The following EIF4ENIF1 variants were observed in gnomAD, a reference collection of about 807,000 sequenced individuals.
EIF4ENIF1 encodes the protein eukaryotic translation initiation factor 4E transporter.
Under a neutral mutation model 110.5 loss-of-function variants are expected in EIF4ENIF1, and 23 were observed. That is an observed-to-expected ratio of 0.21 (90% CI 0.15 to 0.29). The LOEUF is 0.29. Among genes scored for constraint, EIF4ENIF1 ranks in the 10% least tolerant of loss-of-function variants. EIF4ENIF1 has a pLI of 1.00. For missense variants in EIF4ENIF1, 1,031 were observed against 1,221.1 expected (o/e 0.84, Z 2.32); for synonymous variants, 440 against 437.0 (o/e 1.01, Z -0.09).
chr22:31,442,172 G>A, intron 16 of EIF4ENIF1, 54 bp from the exon 17 acceptor site: 1 of 1,330,936 alleles, frequency 7.5e-7, no homozygotes, highest in Non-Finnish European at 1.1e-6. Context: ...AACACTTGTG[G>A]CCTCCCACTG....
chr22:31,477,390 A>AAAAAAAAAAAAAAAAAAAAAAG (rs1381135932), intron 2 of EIF4ENIF1, among the ~76,000 whole-genome samples: 3 of 133,654 alleles, frequency 2.2e-5, no homozygotes, highest in African/African-American at 2.8e-5. Flanking sequence ...AAAACAAAAA[A>AAAAAAAAAAAAAAAAAAAAAAG]AGAGAATTTG....
chr22:31,469,837 C>T (rs528947259), intron 3 of EIF4ENIF1, among the ~76,000 whole-genome samples: 1 of 152,196 alleles, frequency 6.6e-6, no homozygotes, highest in South Asian at 2.1e-4. Flanking sequence ...TGACTACAGG[C>T]AGGTGCCACC....
upstream of EIF4ENIF1, among the ~76,000 whole-genome samples, chr22:31,492,897 A>G (rs969394272): frequency 6.6e-6 from 1 of 151,598 alleles, no homozygotes; most frequent in African/African-American, 2.4e-5. Context: ...ACGCCCAGCT[A>G]ATTTTTGTAT....
chr22:31,443,689 C>A (rs1294723207), intron 15 of EIF4ENIF1, among the ~76,000 whole-genome samples: 1 of 151,844 alleles, frequency 6.6e-6, no homozygotes, highest in African/African-American at 2.4e-5. Context: ...CTGCTGCCTT[C>A]AAGGTCACCG....
At position 31,444,672 on chromosome 22, in the gene EIF4ENIF1, C is replaced by T; in HGVS notation, c.2007G>A (p.Lys669=). 1 of 1,614,136 alleles carries T rather than the reference C, an allele frequency of 6.2e-7. No homozygotes were observed. Among genetic ancestry groups the T allele is most frequent in the Non-Finnish European group, 8.5e-7 (1 of 1,179,996 alleles). ...GFRNRQQRVT[K]SPAPVHRGNS... is the part of the protein sequence containing the mutation. ...TCCCTCGATGCACGGGTGCTGGTGA[C>T]TTGGTCACTCGCTGTTGCCTGTGAA... The change falls in exon 15 of 19, where the codon AAG becomes AAA. Residue 669 remains lysine (K), a synonymous_variant. Coordinates refer to ENST00000330125, the MANE Select transcript of EIF4ENIF1 (RefSeq NM_019843.4).
At position 31,454,256 on chromosome 22, in the gene EIF4ENIF1, C is replaced by G; in HGVS notation, c.1400G>C (p.Ser467Thr). The G allele has an allele frequency of 6.2e-7, 1 of 1,614,096 alleles. No homozygotes were observed. The highest frequency in any genetic ancestry group is 8.5e-7 in the Non-Finnish European group (1 of 1,180,002). Residue 467 changes from serine to threonine, a missense_variant, in exon 10 of 19, where the codon AGT becomes ACT. Transcript: ENST00000330125. ...FMAEHLEETLSAVTNNRQLKK... is the reference protein window; with the variant it reads ...FMAEHLEETLTAVTNNRQLKK... ...CAGTTGTCGATTGTTGGTTACGGCA[C>G]TCAAGGTCTCTTCTAGGTGTTCTGC...
intron 10 of EIF4ENIF1, among the ~76,000 whole-genome samples, chr22:31,452,608 G>T (rs1362600919): frequency 1.3e-5 from 2 of 152,108 alleles, no homozygotes; most frequent in Admixed American, 1.3e-4. Context: ...CACACCAAAA[G>T]AAAGAAGCTA....
At chr22:31,452,256 A>G (rs2050696395) in intron 10 of EIF4ENIF1, among the ~76,000 whole-genome samples, 1 of 152,206 alleles carries the variant, frequency 6.6e-6, no homozygotes, top group South Asian at 2.1e-4. Flanking sequence ...CAAAAAGTAA[A>G]CCATGACTTA....
At chr22:31,476,055 T>C (rs1360192737) in intron 2 of EIF4ENIF1, among the ~76,000 whole-genome samples, 2 of 152,142 alleles carry the variant, frequency 1.3e-5, no homozygotes, top group Non-Finnish European at 2.9e-5. Context: ...AAAATTTTTC[T>C]AGTAGAAACA....
intron 2 of EIF4ENIF1, among the ~76,000 whole-genome samples, chr22:31,476,418 C>T (rs1271245079): frequency 6.6e-6 from 1 of 152,072 alleles, no homozygotes; most frequent in Non-Finnish European, 1.5e-5. Context: ...AATACTTTAA[C>T]ACAACCACAA....
intron 12 of EIF4ENIF1, among the ~76,000 whole-genome samples, chr22:31,448,485 A>T (rs2050546824): frequency 6.6e-6 from 1 of 152,152 alleles, no homozygotes; most frequent in Non-Finnish European, 1.5e-5. Context: ...TCTCTGGGAG[A>T]GAAGAGCTTT....
At chr22:31,460,612 G>C (rs1225826725) in intron 6 of EIF4ENIF1, among the ~76,000 whole-genome samples, 2 of 146,138 alleles carry the variant, frequency 1.4e-5, no homozygotes, top group East Asian at 4.1e-4. Context: ...CTGGGTGACA[G>C]AGCGAGACTC....
chr22:31,464,701 T>A (rs9653825), intron 4 of EIF4ENIF1, among the ~76,000 whole-genome samples: 2,597 of 35,058 alleles, frequency 0.074, 95 homozygotes, highest in African/African-American at 0.15. Flanking sequence ...AAAAAAAAAA[T>A]ATATATATAT....
rs1283599075 is a variant in EIF4ENIF1 at position 31,465,745 on chromosome 22, AAC to A, written c.299-1780_299-1779del. 4.6e-5 allele frequency among the ~76,000 whole-genome samples: 7 copies of A among 152,342 alleles called. No homozygotes were observed. In the East Asian group the frequency reaches 1.3e-3, roughly 29 times the overall value. On this transcript the variant is annotated intron_variant, in intron 4 of 18. Coordinates refer to ENST00000330125, the MANE Select transcript of EIF4ENIF1 (RefSeq NM_019843.4). ...ATGTTCATTGCAGCTTTGGTTATTTAACAGTCAAAAACTGGAAACAACCCAAA... is the reference window on the plus strand; with the variant it reads ...ATGTTCATTGCAGCTTTGGTTATTTAAGTCAAAAACTGGAAACAACCCAAA...
In EIF4ENIF1 at chr22:31,463,003, T is replaced by A; in HGVS notation, c.716A>T (p.Asp239Val). Residue 239 changes from aspartate (D) to valine (V), a missense_variant, in exon 6 of 19, where the codon GAT (aspartate) becomes GTT (valine). Coordinates refer to ENST00000330125, the MANE Select transcript of EIF4ENIF1 (RefSeq NM_019843.4). The stretch of plus-strand genomic sequence containing the variant: ...GTGATCTTCTTCTAGTATCTTATCA[T>A]CAAAGCCAGTCAGTTCGATGGTTTC... The part of the protein sequence containing the change: ...QSETIELTGF[D>V]DKILEEDHKG... The A allele has an allele frequency of 6.2e-7, 1 of 1,614,208 alleles. No homozygotes were observed. The highest frequency in any genetic ancestry group is 8.5e-7 in the Non-Finnish European group (1 of 1,180,038).
chr22:31,490,741 T>G (rs1278090889), upstream of EIF4ENIF1, among the ~76,000 whole-genome samples: 2 of 152,156 alleles, frequency 1.3e-5, no homozygotes, highest in African/African-American at 4.8e-5. Context: ...GAGGAAGTCC[T>G]ATGTGCTGGA....
chr22:31,443,779 GA>G (rs1315668319), intron 15 of EIF4ENIF1, among the ~76,000 whole-genome samples: 4 of 149,342 alleles, frequency 2.7e-5, no homozygotes, highest in Non-Finnish European at 5.9e-5. Context: ...GCTTTGATTA[GA>G]TGATAAAGAT....
chr22:31,457,853 A>G (rs943690351), intron 7 of EIF4ENIF1, among the ~76,000 whole-genome samples: 2 of 152,208 alleles, frequency 1.3e-5, no homozygotes, highest in Non-Finnish European at 2.9e-5. Flanking sequence ...TTAAAATATA[A>G]GATAAGCATG....
intron 10 of EIF4ENIF1, among the ~76,000 whole-genome samples, chr22:31,453,665 G>T (rs2050739434): frequency 6.6e-6 from 1 of 152,106 alleles, no homozygotes; most frequent in Admixed American, 6.6e-5. Flanking sequence ...GAGCCACTGT[G>T]CTCAGCCCCA....
Sources: gnomAD v4.1 joint callset for allele counts (sites outside exome capture counted in the v4.1 genomes callset) on GRCh38, gnomAD v4.1.1 for gene constraint, MANE v1.5 for transcripts, NCBI Gene and HGNC (gene_info 2026-07-23, HGNC 2026-07-21) for gene names.